Variants in COA6 observed in about 807,000 individuals in gnomAD.
COA6 encodes the protein cytochrome c oxidase assembly factor 6 homolog.
Under a neutral mutation model 17.1 loss-of-function variants are expected in COA6, and 12 were observed. That is an observed-to-expected ratio of 0.70 (90% CI 0.45 to 1.14). The LOEUF (loss-of-function observed/expected upper bound fraction) is 1.14. Among genes scored for constraint, COA6 ranks in the 50% most tolerant of loss-of-function variants. The pLI is 0.00. For missense variants in COA6, 246 were observed against 196.5 expected, an observed-to-expected ratio of 1.25 and a Z score of -1.51; for synonymous variants, 90 against 73.4, an observed-to-expected ratio of 1.23 and a Z score of -1.16.
At chr1:234,377,491 AGTAGG>A (rs1658840118) in intron 2 of COA6, among the ~76,000 whole-genome samples, 1 of 152,124 alleles carries the variant, frequency 6.6e-6, no homozygotes, top group Admixed American at 6.6e-5. Context: ...ACCTGCACCC[AGTAGG>A]CCTCTCCTCC....
chr1:234,380,993 G>T (rs1164501798), intron 2 of COA6, among the ~76,000 whole-genome samples: 1 of 152,090 alleles, frequency 6.6e-6, no homozygotes, highest in African/African-American at 2.4e-5. Flanking sequence ...GAGTAAGACT[G>T]TCTCAAAAAT....
At chr1:234,377,059 CGAGAGAG>C (rs1312577752) in intron 2 of COA6, among the ~76,000 whole-genome samples, 11 of 82,640 alleles carry the variant, frequency 1.3e-4, no homozygotes, top group African/African-American at 4.8e-4. Flanking sequence ...GCTGTGTTGC[CGAGAGAG>C]AGAGAGAGAG....
In COA6 at chr1:234,384,459, A is replaced by G. The variant is rs1572175747; in HGVS notation, c.*641A>G. Among the ~76,000 whole-genome samples the G allele has an allele frequency of 6.6e-6, 1 of 152,314 alleles. No individual in the cohort carries two copies. Among genetic ancestry groups the G allele is most frequent in the Non-Finnish European group, 1.5e-5 (1 of 68,026 alleles). On this transcript the variant is annotated 3_prime_UTR_variant, in exon 3 of 3. Coordinates refer to ENST00000366615, the MANE Select transcript of COA6 (RefSeq NM_001206641.3). ...ATGCACAAAAAGAGCTCCTAGAACT[A>G]TAAGTCAATCATAGAAAGGTTGCAG...
At position 234,383,724 on chromosome 1, in the gene COA6, T is replaced by TAA. The variant is rs938577117; in HGVS notation, c.377_378dup (p.Tyr127AsnfsTer10). The TAA allele has an allele frequency of 7.7e-7, 1 of 1,302,366 alleles. No homozygotes were observed. The highest frequency in any genetic ancestry group is 1.9e-5 in the Admixed American group (1 of 53,088). 80.7% of individuals were successfully genotyped at this position (1,302,366 alleles called of 1,614,324 possible). Reference sequence around the variant, plus strand: ...TCAAATCCTTTTTTTTTCCAACAGATAAAATATTTTGATAAAAGAAGAGAC... The same window carrying TAA: ...TCAAATCCTTTTTTTTTCCAACAGATAAAAAATATTTTGATAAAAGAAGAGAC... On this transcript the variant is annotated frameshift_variant and splice_region_variant, in exon 3 of 3. Transcript: ENST00000366615. LOFTEE classifies it high-confidence loss of function.
rs1658714940 is a variant in COA6, at chr1:234,374,217, T to C, written c.213-13T>C. On this transcript the variant is annotated splice_polypyrimidine_tract_variant and intron_variant, in intron 1 of 2. Coordinates refer to ENST00000366615, the MANE Select transcript of COA6 (RefSeq NM_001206641.3). Reference sequence around the variant, plus strand: ...AGTTCATTGTTAATCTCAAATATTATTTTGGCCAACAGCTTCATCGCAGTA... The same window carrying C: ...AGTTCATTGTTAATCTCAAATATTACTTTGGCCAACAGCTTCATCGCAGTA... The C allele has an allele frequency of 6.2e-7, 1 of 1,602,256 alleles. No homozygotes were observed. The highest frequency in any genetic ancestry group is 1.8e-5 in the Admixed American group (1 of 56,448).
At chr1:234,377,070 G>C (rs1384493315) in intron 2 of COA6, among the ~76,000 whole-genome samples, 11 of 97,438 alleles carry the variant, frequency 1.1e-4, no homozygotes, top group Admixed American at 3.7e-4. Context: ...GAGAGAGAGA[G>C]AGAGAGAGAG....
At position 234,373,740 on chromosome 1, in the gene COA6, C is replaced by G. The variant is rs775228261; in HGVS notation, c.212+62C>G. Reference sequence around the variant, plus strand: ...GACTATGGGCCCGGGAGGTCCCTTACTGTCCCCGAGCCGCGGGTTCCTCTT... The same window carrying G: ...GACTATGGGCCCGGGAGGTCCCTTAGTGTCCCCGAGCCGCGGGTTCCTCTT... On this transcript the variant is annotated intron_variant, in intron 1 of 2. Transcript: ENST00000366615. The G allele has an allele frequency of 2.7e-5, 44 of 1,613,720 alleles. No homozygotes were observed. The East Asian group carries it at 5.1e-4, about 19-fold the overall frequency.
chr1:234,374,059 A>C, intron 1 of COA6, 171 bp from the exon 2 acceptor site: 2 of 877,976 alleles, frequency 2.3e-6, no homozygotes, highest in African/African-American at 1.7e-5. Flanking sequence ...CTGAGAACTG[A>C]TTGGGTTCAG....
chr1:234,382,040 C>T (rs759642826), intron 2 of COA6, among the ~76,000 whole-genome samples: 2 of 152,166 alleles, frequency 1.3e-5, no homozygotes, highest in Non-Finnish European at 2.9e-5. Context: ...TTTGTGAATG[C>T]TTATAACCAG....
rs185611239 is a variant in COA6 at position 234,376,842 on chromosome 1, A to G, written c.372+2453A>G. On this transcript the variant is annotated intron_variant, in intron 2 of 2. Transcript: ENST00000366615. Reference sequence around the variant, plus strand: ...ATTAGAGCTCCCTTCTCTGCTACTCACTCGACCAAGGCAATCCTGTTTACA... The same window carrying G: ...ATTAGAGCTCCCTTCTCTGCTACTCGCTCGACCAAGGCAATCCTGTTTACA... Among the ~76,000 whole-genome samples, 65 of 151,902 alleles carry G rather than the reference A, an allele frequency of 4.3e-4. 1 individual carries two copies. The East Asian group carries it at 7.0e-3, about 16-fold the overall frequency.
chr1:234,382,093 GAA>G (rs1399962490), intron 2 of COA6, among the ~76,000 whole-genome samples: 1 of 152,152 alleles, frequency 6.6e-6, no homozygotes, highest in African/African-American at 2.4e-5. Context: ...TACCAACAAA[GAA>G]AAAGAGAGTT....
intron 2 of COA6, among the ~76,000 whole-genome samples, chr1:234,377,133 T>TTTTTTTTTTTTTTTTTTTTGTTGTTG (rs60899682): frequency 1.4e-5 from 1 of 69,546 alleles, no homozygotes; most frequent in African/African-American, 9.2e-5. Flanking sequence ...TTTTGTTTTT[T>TTTTTTTTTTTTTTTTTTTTGTTGTTG]TTGTTGTTGT....
intron 2 of COA6, among the ~76,000 whole-genome samples, chr1:234,383,006 CAAGA>C (rs914795621): frequency 5.0e-5 from 4 of 79,322 alleles, no homozygotes; most frequent in Non-Finnish European, 8.3e-5. Flanking sequence ...GACTCTCTGT[CAAGA>C]AAGAAAGAGA....
intron 1 of COA6, chr1:234,373,890 G>A: frequency 6.3e-7 from 1 of 1,583,676 alleles, no homozygotes; most frequent in Non-Finnish European, 8.6e-7. Flanking sequence ...CGCTTTACTG[G>A]TGGGAAACGG....
At chr1:234,375,949 G>A (rs1320564182) in intron 2 of COA6, among the ~76,000 whole-genome samples, 3 of 152,160 alleles carry the variant, frequency 2.0e-5, no homozygotes, top group Admixed American at 6.5e-5. Flanking sequence ...GAGTCACCAC[G>A]TCTGGCCAGG....
At chr1:234,383,598 A>ACACACACACAC (rs1659045285) in intron 2 of COA6, 125 bp from the exon 3 acceptor site, 267 of 592,362 alleles carry the variant, frequency 4.5e-4, no homozygotes, top group South Asian at 7.7e-4. Flanking sequence ...ACACACACAC[A>ACACACACACAC]AAATGGTTCT....
In COA6 at chr1:234,373,602, C is replaced by T; in HGVS notation, c.136C>T (p.His46Tyr). The T allele has an allele frequency of 1.2e-6, 2 of 1,612,718 alleles. No homozygotes were observed. The highest frequency in any genetic ancestry group is 1.7e-6 in the Non-Finnish European group (2 of 1,179,584). The change falls in exon 1 of 3, where the codon CAC (histidine) becomes TAC (tyrosine). Residue 46 changes from histidine to tyrosine, a missense_variant. Coordinates refer to ENST00000366615, the MANE Select transcript of COA6 (RefSeq NM_001206641.3). ...CSGRTRHRAL[H>Y]RRLVACVTVS... ...TGGCAGGACTCGGCACCGCGCCCTCCACCGCCGGTTGGTGGCCTGCGTGAC... is the reference window on the plus strand; with the variant it reads ...TGGCAGGACTCGGCACCGCGCCCTCTACCGCCGGTTGGTGGCCTGCGTGAC...
Position 234,373,636 on chromosome 1 carries a change from C to G in COA6, c.170C>G (p.Ser57Cys). 1.2e-6 allele frequency: 2 copies of G among 1,613,240 alleles called. No individual in the cohort carries two copies. Among genetic ancestry groups the G allele is most frequent in the Non-Finnish European group, 1.7e-6 (2 of 1,179,494 alleles). ...RRLVACVTVS[S>C]RRHRKEAGRG... ...TTGGTGGCCTGCGTGACAGTTTCCT[C>G]CCGTCGACATCGAAAGGAAGCCGGA... is the stretch of plus-strand genomic sequence containing the variant. Residue 57 changes from serine to cysteine, a missense_variant, in exon 1 of 3, where the codon TCC (serine) becomes TGC (cysteine). Ser to Cys is a moderately radical substitution (Grantham distance 112, BLOSUM62 -1). Transcript: ENST00000366615.
At chr1:234,376,932 T>C (rs1369588458) in intron 2 of COA6, among the ~76,000 whole-genome samples, 2 of 152,130 alleles carry the variant, frequency 1.3e-5, no homozygotes, top group African/African-American at 2.4e-5. Flanking sequence ...CATAACAAAA[T>C]ACCTTAGAGA....
Sources: gnomAD v4.1 joint callset for allele counts (sites outside exome capture counted in the v4.1 genomes callset) on GRCh38, gnomAD v4.1.1 for gene constraint, MANE v1.5 for transcripts, NCBI Gene and HGNC (gene_info 2026-07-23, HGNC 2026-07-21) for gene names.